Variants in CACNA1B observed in about 807,000 individuals in gnomAD.
CACNA1B encodes calcium voltage-gated channel subunit alpha1 B.
A neutral mutation model predicts 247.2 loss-of-function variants in CACNA1B; 70 were observed. That is an observed-to-expected ratio of 0.28 (90% confidence interval 0.23 to 0.35). The LOEUF (loss-of-function observed/expected upper bound fraction) is 0.35, where lower values mean the gene tolerates loss of function less well. Ranked by LOEUF, CACNA1B falls within the 10% of genes least tolerant of loss-of-function variation. CACNA1B has a pLI of 1.00. For missense variants in CACNA1B, 2,367 were observed against 3,197.4 expected, an observed-to-expected ratio of 0.74 and a Z score of 6.26; for synonymous variants, 1,231 against 1,294.4, an observed-to-expected ratio of 0.95 and a Z score of 1.05.
rs540497329 is a variant in CACNA1B at position 138,012,472 on chromosome 9, G to A, written c.2161-657G>A. On this transcript the variant is annotated intron_variant, in intron 17 of 46. Transcript: ENST00000371372. This position sits in a 1 kb window ranked among gnomAD's most constrained non-coding sequence, Gnocchi z 4.2. ...TACAGACAAGCTGAAGGCCAGGCAT[G>A]GTAGCTAACACCTGTACTCCCAGCA... Among the ~76,000 whole-genome samples the A allele has an allele frequency of 3.3e-5, 5 of 152,232 alleles. No homozygotes were observed. Among genetic ancestry groups the A allele is most frequent in the African/African-American group, 1.2e-4 (5 of 41,546 alleles).
chr9:138,060,948 G>T (rs886553314), intron 31 of CACNA1B, among the ~76,000 whole-genome samples: 1 of 152,168 alleles, frequency 6.6e-6, no homozygotes, highest in African/African-American at 2.4e-5. Flanking sequence ...CTGTCCTGTG[G>T]CCAGCCTTCT....
intron 31 of CACNA1B, among the ~76,000 whole-genome samples, chr9:138,061,476 T>C (rs1438555936): frequency 6.6e-6 from 1 of 152,196 alleles, no homozygotes; most frequent in Admixed American, 6.5e-5. Flanking sequence ...TGGCCGTTGG[T>C]TCATCTTGAA....
intron 6 of CACNA1B, among the ~76,000 whole-genome samples, chr9:137,937,969 A>G (rs1957689077): frequency 1.3e-5 from 2 of 149,594 alleles, no homozygotes; most frequent in Non-Finnish European, 3.0e-5. Flanking sequence ...AAAAAAAAAA[A>G]AAAAAAAAAG....
chr9:137,938,941 G>A (rs1957699866), intron 6 of CACNA1B, among the ~76,000 whole-genome samples: 1 of 152,122 alleles, frequency 6.6e-6, no homozygotes, highest in Admixed American at 6.6e-5. Flanking sequence ...TGTGGTGGCA[G>A]GCTCCTGTAA....
chr9:138,044,010 A>G lies in CACNA1B; in HGVS notation c.3413+110A>G, dbSNP rs555158264. On this transcript the variant is annotated intron_variant, in intron 21 of 46. Coordinates refer to ENST00000371372, the MANE Select transcript of CACNA1B (RefSeq NM_000718.4). ...TGATTCTGCGCACTTATGTAGAGAA[A>G]CGGCTCTAAATCCCATGGCAGACCC... is the stretch of plus-strand genomic sequence containing the variant. The G allele has an allele frequency of 5.0e-6, 7 of 1,392,764 alleles. No individual in the cohort carries two copies. In the Admixed American group the frequency reaches 9.8e-5, roughly 20 times the overall value. 86.3% of individuals were successfully genotyped at this position (1,392,764 alleles called of 1,614,324 possible). A position where few individuals can be genotyped will look rare whatever the true frequency, so the allele number is the denominator to read the frequency against.
chr9:137,927,520 G>A (rs750511999), intron 6 of CACNA1B, among the ~76,000 whole-genome samples: 1 of 152,166 alleles, frequency 6.6e-6, no homozygotes, highest in African/African-American at 2.4e-5. Flanking sequence ...TGGTCTTGAC[G>A]CTCTTGTCAA....
At chr9:138,106,752 G>T (rs1201177281) in intron 39 of CACNA1B, among the ~76,000 whole-genome samples, 1 of 152,198 alleles carries the variant, frequency 6.6e-6, no homozygotes, top group Non-Finnish European at 1.5e-5. Context: ...GACAGAGCAA[G>T]ACTCCGTCTC....
rs1962130366 is a variant in CACNA1B at position 138,122,312 on chromosome 9, T to TCA, written c.*314_*315dup. ...GAGTCCAAATCCCGTGTCCTGGGACTCAGCATCCAGCATGGGTGCTTGGAG... is the reference window on the plus strand; with the variant it reads ...GAGTCCAAATCCCGTGTCCTGGGACTCACAGCATCCAGCATGGGTGCTTGGAG... On this transcript the variant is annotated 3_prime_UTR_variant, in exon 47 of 47. Coordinates refer to ENST00000371372, the MANE Select transcript of CACNA1B (RefSeq NM_000718.4). 3 of 416,450 alleles carry TCA rather than the reference T, an allele frequency of 7.2e-6. No homozygotes were observed. Among genetic ancestry groups the TCA allele is most frequent in the Non-Finnish European group, 1.3e-5 (3 of 229,428 alleles). 25.8% of individuals were successfully genotyped at this position (416,450 alleles called of 1,614,324 possible).
rs1164989768 is a variant in CACNA1B at position 137,888,357 on chromosome 9, G to A, written c.530+5474G>A. 6.6e-6 allele frequency among the ~76,000 whole-genome samples: 1 copy of A among 151,980 alleles called. No homozygotes were observed. Among genetic ancestry groups the A allele is most frequent in the Non-Finnish European group, 1.5e-5 (1 of 67,960 alleles). On this transcript the variant is annotated intron_variant, in intron 3 of 46. Transcript: ENST00000371372. This position sits in a 1 kb window ranked among gnomAD's most constrained non-coding sequence, Gnocchi z 4.7. ...CCCACGTCACTGCCTCTGCCCTCCC[G>A]GGCCCCTCAGGAAGCCCCTGTCAAG...
At chr9:137,998,237 C>G (rs992303761) in intron 15 of CACNA1B, among the ~76,000 whole-genome samples, 4 of 152,126 alleles carry the variant, frequency 2.6e-5, no homozygotes, top group African/African-American at 9.7e-5. Context: ...TTCATTGCAT[C>G]TTTCGGAGTG....
At chr9:138,093,403 CAAAA>C (rs58608297) in intron 36 of CACNA1B, among the ~76,000 whole-genome samples, 3 of 43,254 alleles carry the variant, frequency 6.9e-5, no homozygotes, top group African/African-American at 1.4e-4. Context: ...GACTCTGTCT[CAAAA>C]AAAAAAAAAA....
At chr9:137,905,216 G>T (rs772063080) in intron 3 of CACNA1B, among the ~76,000 whole-genome samples, 54 of 152,080 alleles carry the variant, frequency 3.6e-4, no homozygotes, top group Non-Finnish European at 1.0e-4. Context: ...AGCCAGGTGT[G>T]GTGGCACGTG....
At chr9:138,034,005 G>T (rs1193418295) in intron 20 of CACNA1B, among the ~76,000 whole-genome samples, 1 of 152,150 alleles carries the variant, frequency 6.6e-6, no homozygotes, top group Non-Finnish European at 1.5e-5. Flanking sequence ...GACATTCTAG[G>T]GGAGAAGGAT....
intron 6 of CACNA1B, among the ~76,000 whole-genome samples, chr9:137,928,260 G>A (rs1344081277): frequency 6.6e-6 from 1 of 152,088 alleles, no homozygotes; most frequent in Non-Finnish European, 1.5e-5. Flanking sequence ...ACCACGCCTG[G>A]CTAATTTTTT....
chr9:137,950,668 G>A lies in CACNA1B; in HGVS notation c.967-1606G>A, dbSNP rs1957868170. 1.3e-5 allele frequency among the ~76,000 whole-genome samples: 2 copies of A among 152,138 alleles called. No homozygotes were observed. Among genetic ancestry groups the A allele is most frequent in the South Asian group, 4.1e-4 (2 of 4,828 alleles). ...GGTTAGGGAGAGCTGGCTTTTGCTG[G>A]TACTTTTTTTGGTCGTCTGTGCCCC... On this transcript the variant is annotated intron_variant, in intron 6 of 46. Coordinates refer to ENST00000371372, the MANE Select transcript of CACNA1B (RefSeq NM_000718.4). This position sits in a 1 kb window ranked among gnomAD's most constrained non-coding sequence, Gnocchi z 4.8.
chr9:137,969,035 T>C (rs555555112), intron 10 of CACNA1B, among the ~76,000 whole-genome samples: 3 of 152,380 alleles, frequency 2.0e-5, no homozygotes, highest in African/African-American at 7.2e-5. Context: ...CTGTAGACTC[T>C]CTGCTTTTAC....
rs1034661309 is a variant in CACNA1B at position 137,952,932 on chromosome 9, G to A, written c.1070+555G>A. ...CTCTGTAGCAGTCACCACTGGGCTC[G>A]CCACCCTGGCCCTGACTGCTGGTGT... On this transcript the variant is annotated intron_variant, in intron 7 of 46. Coordinates refer to ENST00000371372, the MANE Select transcript of CACNA1B (RefSeq NM_000718.4). The surrounding 1 kb of genome is among the most constrained non-coding windows in gnomAD (Gnocchi z 4.8). 7.2e-5 allele frequency among the ~76,000 whole-genome samples: 11 copies of A among 152,134 alleles called. No individual in the cohort carries two copies. Among genetic ancestry groups the A allele is most frequent in the African/African-American group, 2.2e-4 (9 of 41,422 alleles).
chr9:138,062,749 G>T (rs369206459), intron 31 of CACNA1B, among the ~76,000 whole-genome samples: 90 of 152,360 alleles, frequency 5.9e-4, no homozygotes, highest in African/African-American at 2.1e-3. Context: ...TACACATCAA[G>T]GACCCTGGGG....
rs1281939697 is a variant in CACNA1B, at chr9:137,888,227, G to A, written c.530+5344G>A. Among the ~76,000 whole-genome samples the A allele has an allele frequency of 6.6e-6, 1 of 152,066 alleles. No homozygotes were observed. Among genetic ancestry groups the A allele is most frequent in the Non-Finnish European group, 1.5e-5 (1 of 67,978 alleles). On this transcript the variant is annotated intron_variant, in intron 3 of 46. Coordinates refer to ENST00000371372, the MANE Select transcript of CACNA1B (RefSeq NM_000718.4). The surrounding 1 kb of genome is among the most constrained non-coding windows in gnomAD (Gnocchi z 4.7). Reference sequence around the variant, plus strand: ...GACACCCAGAAAAGGTAGAGCCCACGGGAAGCCCCGTGGTGCCTCCGGAGT... The same window carrying A: ...GACACCCAGAAAAGGTAGAGCCCACAGGAAGCCCCGTGGTGCCTCCGGAGT...
Sources: allele counts gnomAD v4.1 joint callset (sites outside exome capture counted in the v4.1 genomes callset), GRCh38; gene constraint gnomAD v4.1.1; non-coding constraint Gnocchi (gnomAD v3.1); transcripts MANE v1.5; gene names NCBI Gene and HGNC (gene_info 2026-07-23, HGNC 2026-07-21).